SLC13A3: variants seen among roughly 807,000 people sequenced by gnomAD.
SLC13A3 encodes solute carrier family 13 member 3, also known as Na(+)/dicarboxylate cotransporter 3.
In SLC13A3, 40 loss-of-function variants were observed where a neutral mutation model predicts 59.0. That is an observed-to-expected ratio of 0.68 (90% CI 0.53 to 0.88). SLC13A3 has a LOEUF of 0.88. Ranked by LOEUF, SLC13A3 falls within the 40% of genes least tolerant of loss-of-function variation. The pLI, the probability that SLC13A3 is intolerant of heterozygous loss-of-function variation, is 0.00. For synonymous variants in SLC13A3, 317 were observed against 330.3 expected, an observed-to-expected ratio of 0.96 and a Z score of 0.44; for missense variants, 699 against 783.2, an observed-to-expected ratio of 0.89 and a Z score of 1.28.
chr20:46,580,054 C>A (rs2062120095), intron 9 of SLC13A3, among the ~76,000 whole-genome samples: 1 of 152,060 alleles, frequency 6.6e-6, no homozygotes, highest in Non-Finnish European at 1.5e-5. Context: ...CAACCGGGTT[C>A]AAGCAATTCT....
In SLC13A3 at chr20:46,576,617, C is replaced by T. The variant is rs78665983; in HGVS notation, c.1220-932G>A. ...AGTGCCTGACACCTGATGGTAACTC[C>T]GTAAATATTTGTCAAATAATGTACA... is the stretch of plus-strand genomic sequence containing the variant. On this transcript the variant is annotated intron_variant, in intron 9 of 12. Transcript: ENST00000279027. 1.8e-3 allele frequency among the ~76,000 whole-genome samples: 271 copies of T among 152,240 alleles called. 1 individual carries two copies. The East Asian group carries it at 0.045, about 25-fold the overall frequency.
In SLC13A3 at chr20:46,600,242, G is replaced by A. The variant is rs373966873; in HGVS notation, c.542-205C>T. ...AGAGAGGGGGAGGGAGGGAGGGAGA[G>A]AGAGATGGAGGAAGGAAGGAAAGGA... On this transcript the variant is annotated intron_variant, in intron 3 of 12. Transcript: ENST00000279027. Among the ~76,000 whole-genome samples the A allele has an allele frequency of 1.3e-4, 16 of 126,384 alleles. No individual in the cohort carries two copies. In the East Asian group the frequency reaches 2.8e-3, roughly 22 times the overall value. The allele number at this position is 126,384 out of a possible 152,430, so 82.9% of individuals were successfully genotyped here. A position where few individuals can be genotyped will look rare whatever the true frequency, so the allele number is the denominator to read the frequency against.
intron 3 of SLC13A3, chr20:46,600,726 T>C: frequency 6.9e-6 from 2 of 291,876 alleles, no homozygotes; most frequent in South Asian, 6.3e-5. Context: ...CTATTGACTA[T>C]GTTCTCAGGG....
intron 10 of SLC13A3, among the ~76,000 whole-genome samples, chr20:46,566,749 G>A (rs1174836222): frequency 6.6e-6 from 1 of 151,444 alleles, no homozygotes; most frequent in East Asian, 1.9e-4. Flanking sequence ...TCCAGTGAAG[G>A]TTATTAATTA....
intron 12 of SLC13A3, among the ~76,000 whole-genome samples, chr20:46,562,338 AT>A (rs2061938499): frequency 6.6e-6 from 1 of 151,944 alleles, no homozygotes; most frequent in African/African-American, 2.4e-5. Context: ...CTGGCCCTGA[AT>A]TTCTGGAGCA....
At chr20:46,626,156 T>C (rs535365004) in intron 1 of SLC13A3, among the ~76,000 whole-genome samples, 130 of 150,088 alleles carry the variant, frequency 8.7e-4, no homozygotes, top group African/African-American at 3.0e-3. Context: ...TGTCTCTCTC[T>C]CCCCCCTTCT....
At position 46,563,522 on chromosome 20, in the gene SLC13A3, A is replaced by G. The variant is rs2061951009; in HGVS notation, c.1524T>C (p.Tyr508=). 1 of 1,614,066 alleles carries G rather than the reference A, an allele frequency of 6.2e-7. No individual in the cohort carries two copies. The highest frequency in any genetic ancestry group is 8.5e-7 in the Non-Finnish European group (1 of 1,179,992). The part of the protein sequence containing the change: ...LAIRLRVHPL[Y]LMIPGTVGCS... Reference sequence around the variant, plus strand: ...AGCCGACTGTGCCCGGAATCATCAGATACAGGGGGTGCACTCTCAGGCGGA... The same window carrying G: ...AGCCGACTGTGCCCGGAATCATCAGGTACAGGGGGTGCACTCTCAGGCGGA... The change falls in exon 12 of 13, where the codon TAT becomes TAC. Residue 508 remains tyrosine (Y), a synonymous_variant. Coordinates refer to ENST00000279027, the MANE Select transcript of SLC13A3 (RefSeq NM_022829.6).
intron 1 of SLC13A3, among the ~76,000 whole-genome samples, chr20:46,647,203 C>T (rs770647708): frequency 6.6e-6 from 1 of 152,218 alleles, no homozygotes; most frequent in African/African-American, 2.4e-5. Context: ...GCACAGCTTG[C>T]ACAACACTCT....
chr20:46,676,411 CTTTTT>C (rs543970617), intron 1 of SLC13A3, among the ~76,000 whole-genome samples: 3 of 108,482 alleles, frequency 2.8e-5, no homozygotes, highest in East Asian at 5.8e-4. Context: ...TCTCTCAACT[CTTTTT>C]TTTTTTTTTT....
At chr20:46,560,317 A>G (rs1204077104) in intron 12 of SLC13A3, 119 bp from the exon 13 acceptor site, 4 of 935,608 alleles carry the variant, frequency 4.3e-6, no homozygotes, top group Middle Eastern at 2.2e-4. Flanking sequence ...GAAGTGATGG[A>G]GCCAGGACAC....
chr20:46,608,811 G>C, intron 3 of SLC13A3: 1 of 1,473,410 alleles, frequency 6.8e-7, no homozygotes, highest in Non-Finnish European at 9.0e-7. Context: ...TGTGTTCACT[G>C]AGGTAAATGA....
intron 1 of SLC13A3, among the ~76,000 whole-genome samples, chr20:46,647,985 A>G (rs1358591180): frequency 6.6e-6 from 1 of 152,208 alleles, no homozygotes; most frequent in Non-Finnish European, 1.5e-5. Flanking sequence ...CAGAATATCC[A>G]TGTGGAAGAG....
At chr20:46,644,323 C>A (rs2062873682) in intron 1 of SLC13A3, among the ~76,000 whole-genome samples, 1 of 152,124 alleles carries the variant, frequency 6.6e-6, no homozygotes, top group African/African-American at 2.4e-5. Context: ...ATTTCCTCCC[C>A]ACAGCAGTAT....
chr20:46,663,062 G>A (rs1471717818), intron 1 of SLC13A3, among the ~76,000 whole-genome samples: 1 of 152,136 alleles, frequency 6.6e-6, no homozygotes, highest in Non-Finnish European at 1.5e-5. Flanking sequence ...GGCCGAGGTA[G>A]GATTGCTTGA....
chr20:46,615,589 C>A (rs1404002197), intron 1 of SLC13A3, among the ~76,000 whole-genome samples: 1 of 152,136 alleles, frequency 6.6e-6, no homozygotes, highest in East Asian at 1.9e-4. Context: ...GCTGATAGAT[C>A]TGTTGTGATA....
intron 1 of SLC13A3, among the ~76,000 whole-genome samples, chr20:46,683,973 T>A (rs1339903259): frequency 6.6e-6 from 1 of 152,044 alleles, no homozygotes; most frequent in Non-Finnish European, 1.5e-5. Flanking sequence ...TTCAAAACAA[T>A]CAGGTATCAC....
intron 1 of SLC13A3, among the ~76,000 whole-genome samples, chr20:46,663,809 C>T (rs887411213): frequency 1.3e-5 from 2 of 152,140 alleles, no homozygotes; most frequent in Non-Finnish European, 2.9e-5. Context: ...AGTCCACATG[C>T]GTAACCAACC....
intron 2 of SLC13A3, 25 bp from the exon 3 acceptor site, chr20:46,610,634 C>A (rs1436952679): frequency 1.3e-6 from 2 of 1,594,696 alleles, no homozygotes; most frequent in Non-Finnish European, 1.7e-6. Flanking sequence ...GCATTAGAGG[C>A]AAATCCAGAA....
intron 1 of SLC13A3, among the ~76,000 whole-genome samples, chr20:46,632,908 G>GACAGACAGAC (rs544583469): frequency 1.6e-3 from 56 of 35,118 alleles, no homozygotes; most frequent in Non-Finnish European, 2.9e-3. Context: ...TAGATAGATA[G>GACAGACAGAC]ATATATCTAT....
Sources: allele counts gnomAD v4.1 joint callset (sites outside exome capture counted in the v4.1 genomes callset), GRCh38; gene constraint gnomAD v4.1.1; transcripts MANE v1.5; gene names NCBI Gene and HGNC (gene_info 2026-07-23, HGNC 2026-07-21).